CACNA1E: variants seen among roughly 807,000 people sequenced by gnomAD.
CACNA1E encodes calcium voltage-gated channel subunit alpha1 E, also known as voltage-dependent R-type calcium channel subunit alpha-1E.
CACNA1E carries 40 observed loss-of-function variants against 259.2 expected under a neutral mutation model. The ratio of observed to expected loss-of-function variants is 0.15; its 90% CI spans 0.12 to 0.20. The LOEUF (loss-of-function observed/expected upper bound fraction) is 0.20, where lower values mean the gene tolerates loss of function less well. Among genes scored for constraint, CACNA1E ranks in the 10% least tolerant of loss-of-function variants. The pLI is 1.00. For synonymous variants in CACNA1E, 1,104 were observed against 1,138.5 expected (o/e 0.97, Z 0.61); for missense variants, 1,874 against 3,040.1 (o/e 0.62, Z 9.02).
chr1:181,580,870 A>G lies in CACNA1E; in HGVS notation c.951+94A>G, dbSNP rs533488321. On this transcript the variant is annotated intron_variant, in intron 6 of 47. Transcript: ENST00000367573. Reference sequence around the variant, plus strand: ...TGGCCTGGCTAGTCCGGGGACAGGGAGGGCTATGGATATAGGTGTATTGGG... The same window carrying G: ...TGGCCTGGCTAGTCCGGGGACAGGGGGGGCTATGGATATAGGTGTATTGGG... 4 of 1,081,020 alleles carry G rather than the reference A, an allele frequency of 3.7e-6. No individual in the cohort carries two copies. The Admixed American group carries it at 7.9e-5, about 21-fold the overall frequency. 67.0% of individuals were successfully genotyped at this position (1,081,020 alleles called of 1,614,324 possible).
At chr1:181,482,443 AG>A (rs1663346965), upstream of CACNA1E, among the ~76,000 whole-genome samples, 1 of 152,212 alleles carries the variant, frequency 6.6e-6, no homozygotes, top group African/African-American at 2.4e-5. Flanking sequence ...CTTGGGGGAA[AG>A]GGGACTCTTC....
chr1:181,613,431 A>T (rs1654932242), intron 6 of CACNA1E, among the ~76,000 whole-genome samples: 1 of 152,214 alleles, frequency 6.6e-6, no homozygotes, highest in African/African-American at 2.4e-5. Context: ...TATTCTTAAG[A>T]TAGCTAGAGA....
At chr1:181,794,815 TC>T in intron 45 of CACNA1E, 48 bp from the exon 46 acceptor site, 2 of 1,532,738 alleles carry the variant, frequency 1.3e-6, no homozygotes, top group Non-Finnish European at 8.9e-7. Flanking sequence ...TTAGATCTTT[TC>T]AATCGTTAAT....
chr1:181,431,438 A>G (rs953437823), intron 2 of CACNA1E, among the ~76,000 whole-genome samples: 1 of 152,212 alleles, frequency 6.6e-6, no homozygotes, highest in Non-Finnish European at 1.5e-5. Context: ...TTCCAGGGTG[A>G]TGGATGCCAG....
intron 7 of CACNA1E, among the ~76,000 whole-genome samples, chr1:181,680,102 T>C (rs1649787636): frequency 1.3e-5 from 1 of 75,122 alleles, no homozygotes; most frequent in African/African-American, 5.4e-5. Context: ...TGAGACCTTG[T>C]CTCAAAAAAA....
intron 2 of CACNA1E, among the ~76,000 whole-genome samples, chr1:181,437,563 A>G (rs1332765502): frequency 6.6e-6 from 1 of 152,164 alleles, no homozygotes; most frequent in African/African-American, 2.4e-5. Flanking sequence ...TGATGCCCAC[A>G]TTCCTGAGTC....
chr1:181,342,270 G>A (rs903517796), intron 1 of CACNA1E, among the ~76,000 whole-genome samples: 1 of 152,170 alleles, frequency 6.6e-6, no homozygotes, highest in Non-Finnish European at 1.5e-5. Context: ...AGAGGAGGAA[G>A]CATAGCCTTA....
At chr1:181,343,311 G>A (rs1285279925) in intron 1 of CACNA1E, among the ~76,000 whole-genome samples, 5 of 152,130 alleles carry the variant, frequency 3.3e-5, no homozygotes, top group Non-Finnish European at 7.3e-5. Flanking sequence ...GGAGGTGGGC[G>A]TAGGGGGAGA....
At chr1:181,336,803 A>G (rs1571596294) in intron 1 of CACNA1E, among the ~76,000 whole-genome samples, 1 of 152,046 alleles carries the variant, frequency 6.6e-6, no homozygotes, top group Non-Finnish European at 1.5e-5. Context: ...GGTATCTCAT[A>G]TAAGTAACAT....
At chr1:181,379,965 G>GAT (rs150620283) in intron 1 of CACNA1E, among the ~76,000 whole-genome samples, 307 of 143,508 alleles carry the variant, frequency 2.1e-3, no homozygotes, top group South Asian at 0.014. Flanking sequence ...ACTGTCATAA[G>GAT]ATATATATAT....
At chr1:181,417,317 A>C (rs1658345887) in intron 2 of CACNA1E, among the ~76,000 whole-genome samples, 1 of 152,102 alleles carries the variant, frequency 6.6e-6, no homozygotes, top group Non-Finnish European at 1.5e-5. Context: ...TACCCTCTCA[A>C]GCTCTTTCTT....
At chr1:181,496,325 C>T (rs937011901) in intron 1 of CACNA1E, among the ~76,000 whole-genome samples, 1 of 152,246 alleles carries the variant, frequency 6.6e-6, no homozygotes, top group African/African-American at 2.4e-5. Context: ...TGATCTATAA[C>T]CTTAACAGAC....
chr1:181,733,415 C>T, intron 20 of CACNA1E, 22 bp from the exon 21 acceptor site: 1 of 1,490,124 alleles, frequency 6.7e-7, no homozygotes, highest in East Asian at 2.4e-5. Flanking sequence ...AGCACCAGCT[C>T]TCTCTTCCTC....
At chr1:181,660,244 C>T (rs1264202770) in intron 7 of CACNA1E, among the ~76,000 whole-genome samples, 2 of 152,220 alleles carry the variant, frequency 1.3e-5, no homozygotes, top group Non-Finnish European at 2.9e-5. Context: ...GCCTTGCTAG[C>T]AACTCATGTG....
At chr1:181,327,826 G>A (rs1650913764) in intron 1 of CACNA1E, among the ~76,000 whole-genome samples, 1 of 152,178 alleles carries the variant, frequency 6.6e-6, no homozygotes, top group African/African-American at 2.4e-5. Context: ...GATCTCAGAG[G>A]CCTAAAACAA....
intron 1 of CACNA1E, among the ~76,000 whole-genome samples, chr1:181,392,156 A>G (rs149862594): frequency 6.6e-6 from 1 of 152,308 alleles, no homozygotes; most frequent in Non-Finnish European, 1.5e-5. Flanking sequence ...ATACAATCCC[A>G]GTGTCTTTTA....
At chr1:181,600,370 G>T (rs1206676082) in intron 6 of CACNA1E, among the ~76,000 whole-genome samples, 1 of 152,230 alleles carries the variant, frequency 6.6e-6, no homozygotes, top group Non-Finnish European at 1.5e-5. Flanking sequence ...GCTTTGAACA[G>T]ATGAGGTAGA....
At chr1:181,779,877 C>G (rs930095072) in intron 38 of CACNA1E, among the ~76,000 whole-genome samples, 6 of 150,002 alleles carry the variant, frequency 4.0e-5, no homozygotes, top group African/African-American at 1.5e-4. Flanking sequence ...TATAGTTAAT[C>G]AGAGGGACCT....
intron 6 of CACNA1E, among the ~76,000 whole-genome samples, chr1:181,625,129 T>C (rs1176550822): frequency 6.6e-6 from 1 of 151,450 alleles, no homozygotes; most frequent in Non-Finnish European, 1.5e-5. Context: ...TAAACAGATG[T>C]TCTGTCATCC....
Sources: allele counts gnomAD v4.1 joint callset (sites outside exome capture counted in the v4.1 genomes callset), GRCh38; gene constraint gnomAD v4.1.1; transcripts MANE v1.5; gene names NCBI Gene and HGNC (gene_info 2026-07-23, HGNC 2026-07-21).